Variants in KCNQ3 observed in about 807,000 individuals in gnomAD.
The protein encoded by KCNQ3 is potassium voltage-gated channel subfamily KQT member 3.
A neutral mutation model predicts 92.5 loss-of-function variants in KCNQ3; 30 were observed. That is an observed-to-expected ratio of 0.32 (90% CI 0.24 to 0.44). The LOEUF is 0.44. KCNQ3 is among the 20% of genes least tolerant of loss of function. The pLI is 1.00. For synonymous variants in KCNQ3, 450 were observed against 468.8 expected (o/e 0.96, Z 0.52); for missense variants, 913 against 1,140.3 (o/e 0.80, Z 2.87).
chr8:132,342,460 G>T (rs947768272), intron 1 of KCNQ3, among the ~76,000 whole-genome samples: 2 of 152,150 alleles, frequency 1.3e-5, no homozygotes, highest in East Asian at 3.8e-4. Context: ...GGCAGCCCAC[G>T]GGCAAAATTT....
At chr8:132,130,470 G>A (rs961875495) in intron 14 of KCNQ3, among the ~76,000 whole-genome samples, 1 of 152,194 alleles carries the variant, frequency 6.6e-6, no homozygotes, top group Non-Finnish European at 1.5e-5. Context: ...TTTATTTTGT[G>A]CCTCCTACTT....
chr8:132,445,370 C>T (rs879668237), intron 1 of KCNQ3, among the ~76,000 whole-genome samples: 1 of 152,054 alleles, frequency 6.6e-6, no homozygotes, highest in Non-Finnish European at 1.5e-5. Flanking sequence ...AGCACAGCCA[C>T]GTGGCTTTCC....
intron 1 of KCNQ3, among the ~76,000 whole-genome samples, chr8:132,296,181 C>T (rs1255958538): frequency 6.6e-6 from 1 of 152,292 alleles, no homozygotes; most frequent in East Asian, 1.9e-4. Context: ...TTGGGCAGTG[C>T]AGAACAGAAC....
chr8:132,313,335 A>C (rs1165248542), intron 1 of KCNQ3, among the ~76,000 whole-genome samples: 1 of 152,240 alleles, frequency 6.6e-6, no homozygotes, highest in African/African-American at 2.4e-5. Flanking sequence ...AGAAATAAAG[A>C]GTTACATGAA....
intron 1 of KCNQ3, among the ~76,000 whole-genome samples, chr8:132,380,862 C>T (rs574049283): frequency 3.3e-5 from 5 of 150,008 alleles, no homozygotes; most frequent in South Asian, 4.3e-4. Context: ...CAGCTCATCA[C>T]GACCCTATGG....
At chr8:132,282,454 C>T (rs1017152754) in intron 1 of KCNQ3, among the ~76,000 whole-genome samples, 4 of 152,168 alleles carry the variant, frequency 2.6e-5, no homozygotes, top group African/African-American at 4.8e-5. Context: ...GGAGACTGAA[C>T]ACAATTTTGA....
intron 1 of KCNQ3, among the ~76,000 whole-genome samples, chr8:132,385,837 A>G (rs1819875820): frequency 6.6e-6 from 1 of 152,220 alleles, no homozygotes; most frequent in Non-Finnish European, 1.5e-5. Flanking sequence ...AAGTGTAATG[A>G]ACAGGAAGCA....
intron 1 of KCNQ3, among the ~76,000 whole-genome samples, chr8:132,200,738 G>C (rs1827434343): frequency 6.6e-6 from 1 of 152,088 alleles, no homozygotes; most frequent in South Asian, 2.1e-4. Flanking sequence ...TCTGCCTCTG[G>C]AAACATCTAT....
chr8:132,355,719 C>T (rs1819002219), intron 1 of KCNQ3, among the ~76,000 whole-genome samples: 1 of 152,210 alleles, frequency 6.6e-6, no homozygotes, highest in African/African-American at 2.4e-5. Flanking sequence ...CTGCCCATCA[C>T]ATGGTCTGCT....
chr8:132,145,849 G>A (rs1303180267), intron 9 of KCNQ3, among the ~76,000 whole-genome samples: 1 of 152,182 alleles, frequency 6.6e-6, no homozygotes, highest in African/African-American at 2.4e-5. Context: ...AGATGATGGT[G>A]GTCCGGAGAC....
At chr8:132,374,663 C>A (rs948378808) in intron 1 of KCNQ3, among the ~76,000 whole-genome samples, 6 of 152,122 alleles carry the variant, frequency 3.9e-5, no homozygotes, top group African/African-American at 1.4e-4. Flanking sequence ...TTTTTCTGCT[C>A]TTCTCTCTCC....
At chr8:132,387,937 C>T (rs1026289527) in intron 1 of KCNQ3, among the ~76,000 whole-genome samples, 1 of 145,664 alleles carries the variant, frequency 6.9e-6, no homozygotes, top group African/African-American at 2.6e-5. Flanking sequence ...CAGAGCAAGA[C>T]CCTGTGAAGA....
At chr8:132,140,053 A>C in intron 11 of KCNQ3, 23 bp downstream of exon 11, 1 of 1,523,510 alleles carries the variant, frequency 6.6e-7, no homozygotes, top group Non-Finnish European at 8.9e-7. Flanking sequence ...ACACAGGCAC[A>C]GGTGGGACCG....
At chr8:132,269,038 T>A (rs916605832) in intron 1 of KCNQ3, among the ~76,000 whole-genome samples, 1 of 152,260 alleles carries the variant, frequency 6.6e-6, no homozygotes, top group African/African-American at 2.4e-5. Flanking sequence ...CTGTATATCT[T>A]CTTTGGTGAG....
chr8:132,314,683 G>A (rs1400809426), intron 1 of KCNQ3, among the ~76,000 whole-genome samples: 1 of 152,190 alleles, frequency 6.6e-6, no homozygotes, highest in Non-Finnish European at 1.5e-5. Context: ...TTATGGTGAA[G>A]GTAGCAGCAC....
chr8:132,139,135 C>G (rs766814045), intron 11 of KCNQ3, among the ~76,000 whole-genome samples: 10 of 152,172 alleles, frequency 6.6e-5, no homozygotes, highest in Non-Finnish European at 1.2e-4. Flanking sequence ...ACTATCCGAC[C>G]CTTTCAAGAA....
chr8:132,402,896 A>C (rs1206584620), intron 1 of KCNQ3, among the ~76,000 whole-genome samples: 1 of 151,176 alleles, frequency 6.6e-6, no homozygotes, highest in Admixed American at 6.6e-5. Context: ...GCATGCCTGT[A>C]GTCCCAGCTT....
chr8:132,476,674 CT>C (rs972394465), intron 1 of KCNQ3, among the ~76,000 whole-genome samples: 14 of 151,806 alleles, frequency 9.2e-5, no homozygotes, highest in African/African-American at 3.1e-4. Context: ...AAGTAACAAA[CT>C]TTTTTTTTAT....
At chr8:132,136,297 C>T (rs532184339) in intron 12 of KCNQ3, among the ~76,000 whole-genome samples, 7 of 152,096 alleles carry the variant, frequency 4.6e-5, no homozygotes, top group South Asian at 2.1e-4. Flanking sequence ...CCAGAGAGGA[C>T]GCGTGTCCAT....
Sources: allele counts gnomAD v4.1 joint callset (sites outside exome capture counted in the v4.1 genomes callset), GRCh38; gene constraint gnomAD v4.1.1; transcripts MANE v1.5; gene names NCBI Gene and HGNC (gene_info 2026-07-23, HGNC 2026-07-21).